FBN1: variants seen among roughly 807,000 people sequenced by gnomAD.
FBN1 encodes fibrillin-1.
In FBN1, 29 loss-of-function variants were observed where a neutral mutation model predicts 365.1. The observed-to-expected ratio is 0.08, with a 90% CI of 0.06 to 0.11. FBN1 has a LOEUF of 0.11. Among genes scored for constraint, FBN1 ranks in the 10% least tolerant of loss-of-function variants. The probability of loss-of-function intolerance (pLI) is 1.00; values close to 1 mark genes in which losing one functional copy is unlikely to be tolerated. For synonymous variants in FBN1, 1,210 were observed against 1,270.5 expected, an observed-to-expected ratio of 0.95 and a Z score of 1.01; for missense variants, 2,476 against 3,703.2, an observed-to-expected ratio of 0.67 and a Z score of 8.60.
intron 15 of FBN1, among the ~76,000 whole-genome samples, chr15:48,506,550 GT>G (rs1211170583): frequency 2.0e-5 from 3 of 152,228 alleles, no homozygotes; most frequent in Non-Finnish European, 2.9e-5. Context: ...AACACAAAGG[GT>G]TTTTAATAAG....
intron 3 of FBN1, among the ~76,000 whole-genome samples, chr15:48,612,225 A>G (rs2044662077): frequency 6.6e-6 from 1 of 152,234 alleles, no homozygotes; most frequent in African/African-American, 2.4e-5. Flanking sequence ...ATTGGCCAAT[A>G]TAGTCTATTG....
chr15:48,412,847 G>T, intron 64 of FBN1, 104 bp from the exon 65 acceptor site: 1 of 1,353,892 alleles, frequency 7.4e-7, no homozygotes, highest in Non-Finnish European at 1.1e-6. Flanking sequence ...GTGAGATACA[G>T]CCCTTGCTTG....
At chr15:48,612,375 A>C (rs2044663220) in intron 3 of FBN1, among the ~76,000 whole-genome samples, 1 of 152,176 alleles carries the variant, frequency 6.6e-6, no homozygotes. Flanking sequence ...ACAACTGTAA[A>C]AGCTCATGAA....
intron 2 of FBN1, among the ~76,000 whole-genome samples, chr15:48,634,862 CACACACACACA>C (rs1890065280): frequency 5.0e-5 from 3 of 59,522 alleles, no homozygotes; most frequent in African/African-American, 3.8e-4. Flanking sequence ...AAAAACCACA[CACACACACACA>C]CACACACACA....
chr15:48,589,605 C>T (rs897213371), intron 6 of FBN1, among the ~76,000 whole-genome samples: 7 of 130,434 alleles, frequency 5.4e-5, no homozygotes, highest in Non-Finnish European at 6.1e-5. Flanking sequence ...CACATTGTTA[C>T]TTTCTTTTTT....
In FBN1 at chr15:48,425,354, T is replaced by C. The variant is rs1188383803; in HGVS notation, c.7453+15A>G. On this transcript the variant is annotated intron_variant, in intron 60 of 65. Coordinates refer to ENST00000316623, the MANE Select transcript of FBN1 (RefSeq NM_000138.5). ...TCAGGAGCTAGGTGAGGGGCAATGG[T>C]CAATTCTACTTTACCTTTGCAGCTC... 6.2e-7 allele frequency: 1 copy of C among 1,613,920 alleles called. No homozygotes were observed. The highest frequency in any genetic ancestry group is 8.5e-7 in the Non-Finnish European group (1 of 1,179,984).
rs1747080785 is a variant in FBN1 at position 48,441,955 on chromosome 15, C to T, written c.6038-109G>A. The T allele has an allele frequency of 7.6e-6, 9 of 1,177,048 alleles. 1 individual carries two copies. In the South Asian group the frequency reaches 9.8e-5, roughly 13 times the overall value. 72.9% of individuals were successfully genotyped at this position (1,177,048 alleles called of 1,614,324 possible). On this transcript the variant is annotated intron_variant, in intron 49 of 65. Transcript: ENST00000316623. ...GGGCAACTGAGTTTCCAAACTCTTA[C>T]AATAATAAAGGTATTTTTCTGTACC... is the stretch of plus-strand genomic sequence containing the variant.
At chr15:48,635,736 C>A (rs920563968) in intron 2 of FBN1, among the ~76,000 whole-genome samples, 1 of 152,162 alleles carries the variant, frequency 6.6e-6, no homozygotes, top group African/African-American at 2.4e-5. Context: ...TTTTGAAATT[C>A]TCATATTTGA....
chr15:48,607,482 T>C (rs1023915119), intron 4 of FBN1, among the ~76,000 whole-genome samples: 4 of 150,560 alleles, frequency 2.7e-5, no homozygotes, highest in East Asian at 2.0e-4. Context: ...GGGGAGGTGA[T>C]TAAGTTATGC....
At chr15:48,494,058 CTGTTCCGTTT>C in intron 23 of FBN1, 136 bp downstream of exon 23, 1 of 693,096 alleles carries the variant, frequency 1.4e-6, no homozygotes, top group South Asian at 1.6e-5. Flanking sequence ...AAATTAACAG[CTGTTCCGTTT>C]TGTAGTTCTC....
In FBN1 at chr15:48,411,099, A is replaced by C; in HGVS notation, c.8507T>G (p.Leu2836Arg). The change falls in exon 66 of 66, where the codon CTT (leucine) becomes CGT (arginine). Residue 2836 changes from leucine to arginine, a missense_variant. Transcript: ENST00000316623. Reference protein sequence around the residue: ...TYSLQISSTPLYKKKELNQLE... With the variant: ...TYSLQISSTPRYKKKELNQLE... Reference sequence around the variant, plus strand: ...TTGGTTAAGTTCTTTCTTTTTATAAAGTGGAGTACTACTGATTTGTAATGA... The same window carrying C: ...TTGGTTAAGTTCTTTCTTTTTATAACGTGGAGTACTACTGATTTGTAATGA... 2 of 1,614,066 alleles carry C rather than the reference A, an allele frequency of 1.2e-6. No individual in the cohort carries two copies. The highest frequency in any genetic ancestry group is 1.1e-5 in the South Asian group (1 of 91,058).
At chr15:48,444,250 A>G (rs780117448) in intron 49 of FBN1, among the ~76,000 whole-genome samples, 7 of 152,230 alleles carry the variant, frequency 4.6e-5, no homozygotes, top group Non-Finnish European at 1.0e-4. Flanking sequence ...TAGTTCGGAA[A>G]TACTGGGAGT....
intron 15 of FBN1, among the ~76,000 whole-genome samples, chr15:48,505,444 TG>T (rs2043700579): frequency 6.6e-6 from 1 of 152,148 alleles, no homozygotes; most frequent in South Asian, 2.1e-4. Context: ...AGGAGAACAA[TG>T]GCTGCTAAAA....
chr15:48,465,726 C>T (rs984845670), intron 39 of FBN1, 33 bp from the exon 40 acceptor site: 3 of 1,613,732 alleles, frequency 1.9e-6, no homozygotes, highest in African/African-American at 2.7e-5. Context: ...ATTCCTTTAG[C>T]ATTGTAAATA....
At position 48,483,044 on chromosome 15, in the gene FBN1, A is replaced by G. The variant is rs372198671; in HGVS notation, c.3838+774T>C. On this transcript the variant is annotated intron_variant, in intron 31 of 65. Transcript: ENST00000316623. The stretch of plus-strand genomic sequence containing the variant: ...GTTCAAAAATATTTCTAGGAATACA[A>G]AAATATCTAGCACTCAGTAAGGCAC... 2.6e-5 allele frequency among the ~76,000 whole-genome samples: 4 copies of G among 152,364 alleles called. No homozygotes were observed. The South Asian group carries it at 8.3e-4, about 32-fold the overall frequency.
chr15:48,448,945 A>G (rs1166114759), intron 45 of FBN1, 52 bp from the exon 46 acceptor site: 1 of 1,456,178 alleles, frequency 6.9e-7, no homozygotes, highest in East Asian at 2.3e-5. Context: ...AATATAATTG[A>G]ATAACTTACT....
chr15:48,573,528 C>A (rs949198395), intron 6 of FBN1, among the ~76,000 whole-genome samples: 1 of 152,084 alleles, frequency 6.6e-6, no homozygotes, highest in African/African-American at 2.4e-5. Flanking sequence ...ACAGGTCTTA[C>A]AAGGCTAAGT....
At chr15:48,600,111 A>C in intron 5 of FBN1, 28 bp downstream of exon 5, 2 of 1,500,114 alleles carry the variant, frequency 1.3e-6, no homozygotes, top group Non-Finnish European at 1.9e-6. Context: ...GTTAACATCT[A>C]GAATACTTAT....
intron 23 of FBN1, 99 bp downstream of exon 23, chr15:48,494,105 T>C: frequency 1.1e-6 from 1 of 927,632 alleles, no homozygotes; most frequent in African/African-American, 1.6e-5. Context: ...GCTGCATATT[T>C]CTCCCTGTGA....
Sources: allele counts gnomAD v4.1 joint callset (sites outside exome capture counted in the v4.1 genomes callset), GRCh38; gene constraint gnomAD v4.1.1; transcripts MANE v1.5; gene names NCBI Gene and HGNC (gene_info 2026-07-23, HGNC 2026-07-21).